Variants in TMEM230 observed in about 807,000 individuals in gnomAD.
TMEM230 encodes the protein UPF0414 transmembrane protein C20orf30.
TMEM230 carries 10 observed loss-of-function variants against 15.8 expected under a neutral mutation model. The ratio of observed to expected loss-of-function variants is 0.63; its 90% CI spans 0.39 to 1.07. The LOEUF (loss-of-function observed/expected upper bound fraction) is 1.07. TMEM230 is among the 50% of genes least tolerant of loss of function. The pLI, the probability that TMEM230 is intolerant of heterozygous loss-of-function variation, is 0.01. For synonymous variants in TMEM230, 67 were observed against 76.9 expected (o/e 0.87, Z 0.68); for missense variants, 165 against 193.3 (o/e 0.85, Z 0.87).
chr20:5,108,505 G>C (rs1281756203), intron 3 of TMEM230, among the ~76,000 whole-genome samples: 2 of 151,804 alleles, frequency 1.3e-5, no homozygotes, highest in Non-Finnish European at 2.9e-5. Flanking sequence ...AAGTAAACCT[G>C]CCTTATGAAC....
chr20:5,071,942 G>C (rs2088842434), intron 3 of TMEM230, among the ~76,000 whole-genome samples: 1 of 152,090 alleles, frequency 6.6e-6, no homozygotes, highest in South Asian at 2.1e-4. Flanking sequence ...GTAGAGATGG[G>C]GTTTCACCAT....
chr20:5,078,752 A>G (rs148540438), intron 3 of TMEM230, among the ~76,000 whole-genome samples: 14 of 152,350 alleles, frequency 9.2e-5, no homozygotes, highest in Admixed American at 7.8e-4. Context: ...GAGGAAGTTC[A>G]ATCCAAACAT....
chr20:5,073,596 C>G (rs919568384), intron 3 of TMEM230, among the ~76,000 whole-genome samples: 1 of 152,190 alleles, frequency 6.6e-6, no homozygotes, highest in Non-Finnish European at 1.5e-5. Context: ...CCAGCTCAGA[C>G]GCCAGAGATA....
At chr20:5,086,617 GAATAC>G (rs1244163183) in intron 3 of TMEM230, among the ~76,000 whole-genome samples, 15 of 149,766 alleles carry the variant, frequency 1.0e-4, no homozygotes, top group Non-Finnish European at 1.5e-5. Context: ...TTTTCTGGAA[GAATAC>G]AATGACAGAT....
chr20:5,100,050 A>C lies in TMEM230; in HGVS notation c.*741T>G. 1 of 985,402 alleles carries C rather than the reference A, an allele frequency of 1.0e-6. No individual in the cohort carries two copies. Among genetic ancestry groups the C allele is most frequent in the Non-Finnish European group, 1.2e-6 (1 of 829,922 alleles). 61.0% of individuals were successfully genotyped at this position (985,402 alleles called of 1,614,324 possible). A position where few individuals can be genotyped will look rare whatever the true frequency, so the allele number is the denominator to read the frequency against. On this transcript the variant is annotated 3_prime_UTR_variant, in exon 5 of 5. Transcript: ENST00000342308. Reference sequence around the variant, plus strand: ...GCTAGCAATACGGCTATAAACTCTAAATAATAACCACTACATGTTTCATTA... The same window carrying C: ...GCTAGCAATACGGCTATAAACTCTACATAATAACCACTACATGTTTCATTA...
chr20:5,091,323 G>C (rs2089500022), intron 3 of TMEM230, among the ~76,000 whole-genome samples: 1 of 152,136 alleles, frequency 6.6e-6, no homozygotes, highest in South Asian at 2.1e-4. Flanking sequence ...TGATTCTCCT[G>C]CCTTGGCCTT....
intron 4 of TMEM230, 148 bp downstream of exon 3, chr20:5,106,040 G>GA (rs769157955): frequency 1.6e-6 from 2 of 1,248,714 alleles, no homozygotes; most frequent in Non-Finnish European, 2.1e-6. Flanking sequence ...GACAGAGCAA[G>GA]ACCCTGTCTC....
intron 3 of TMEM230, 70 bp downstream of exon 2, chr20:5,109,262 C>G (rs1242810270): frequency 2.4e-6 from 3 of 1,263,700 alleles, no homozygotes; most frequent in African/African-American, 3.0e-5. Flanking sequence ...AAATCTCCAT[C>G]TGGAAGGTCT....
intron 3 of TMEM230, among the ~76,000 whole-genome samples, chr20:5,108,385 C>T (rs2090178044): frequency 6.8e-6 from 1 of 147,544 alleles, no homozygotes; most frequent in African/African-American, 2.5e-5. Context: ...TGCCACTGCA[C>T]TCCAGCCTGG....
In TMEM230 at chr20:5,100,965, G is replaced by A. The variant is rs1211601709; in HGVS notation, c.412-34C>T. 1.2e-5 allele frequency: 19 copies of A among 1,610,144 alleles called. No individual in the cohort carries two copies. The Admixed American group carries it at 2.5e-4, about 21-fold the overall frequency. On this transcript the variant is annotated intron_variant, in intron 4 of 4. Transcript: ENST00000342308. ...AGAAGGAGGCAAACACATTAGTACC[G>A]TAAGAGTTACACATTTTAAAATAAA...
At chr20:5,088,812 C>G (rs1199787736) in intron 3 of TMEM230, among the ~76,000 whole-genome samples, 1 of 152,172 alleles carries the variant, frequency 6.6e-6, no homozygotes, top group Non-Finnish European at 1.5e-5. Flanking sequence ...CCATGCCCAA[C>G]CCAGAACCAG....
downstream of TMEM230, chr20:5,067,300 G>A (rs2088672763): frequency 2.0e-5 from 3 of 151,434 alleles, no homozygotes; most frequent in African/African-American, 7.3e-5. Context: ...GCAAGTCTCA[G>A]TGGTGCTGGA....
rs1600376227 is a variant in TMEM230 at position 5,100,546 on chromosome 20, T to C, written c.*245A>G. On this transcript the variant is annotated 3_prime_UTR_variant, in exon 5 of 5. Transcript: ENST00000342308. ...CTTTTCCATTACAGAATAACCTCTATTCTTCCATGATACATATTCCTGTGG... is the reference window on the plus strand; with the variant it reads ...CTTTTCCATTACAGAATAACCTCTACTCTTCCATGATACATATTCCTGTGG... 2.4e-6 allele frequency: 3 copies of C among 1,268,584 alleles called. No homozygotes were observed. In the South Asian group the frequency reaches 6.1e-5, roughly 26 times the overall value. 78.6% of individuals were successfully genotyped at this position (1,268,584 alleles called of 1,614,324 possible).
chr20:5,086,744 G>A lies in TMEM230; in HGVS notation c.223-17395C>T, dbSNP rs2089348887. Among the ~76,000 whole-genome samples the A allele has an allele frequency of 2.7e-5, 4 of 150,368 alleles. No homozygotes were observed. In the South Asian group the frequency reaches 6.3e-4, roughly 24 times the overall value. On this transcript the variant is annotated intron_variant, in intron 3 of 3. Coordinates refer to the TMEM230 transcript ENST00000612323. ...AGGTAGGGTCTTGCTCTGTTGCTCA[G>A]AGTGGAGTACAGTGGCACAATCACA...
chr20:5,067,954 G>A (rs1433989696), downstream of TMEM230: 3 of 151,948 alleles, frequency 2.0e-5, no homozygotes, highest in African/African-American at 7.3e-5. Flanking sequence ...AGAGACAAGA[G>A]ATGGAGTCTC....
At chr20:5,076,121 A>G (rs1164703419) in intron 3 of TMEM230, among the ~76,000 whole-genome samples, 2 of 151,622 alleles carry the variant, frequency 1.3e-5, no homozygotes, top group Admixed American at 1.3e-4. Context: ...AAAAAAAAAA[A>G]TTGCAGCAAT....
At chr20:5,072,438 C>A (rs1379934516) in intron 3 of TMEM230, among the ~76,000 whole-genome samples, 1 of 152,120 alleles carries the variant, frequency 6.6e-6, no homozygotes, top group Admixed American at 6.6e-5. Context: ...AGGATAGCCA[C>A]CCATGTTGGC....
At chr20:5,071,790 G>C (rs1181361913) in intron 3 of TMEM230, among the ~76,000 whole-genome samples, 1 of 152,112 alleles carries the variant, frequency 6.6e-6, no homozygotes, top group African/African-American at 2.4e-5. Context: ...ACCCAGGCTG[G>C]AGTGTAGTGG....
At chr20:5,093,835 G>A (rs2089584585) in intron 3 of TMEM230, among the ~76,000 whole-genome samples, 1 of 152,160 alleles carries the variant, frequency 6.6e-6, no homozygotes, top group South Asian at 2.1e-4. Flanking sequence ...ACTGCACCCA[G>A]CCTAAAAGGT....
Sources: allele counts gnomAD v4.1 joint callset (sites outside exome capture counted in the v4.1 genomes callset), GRCh38; gene constraint gnomAD v4.1.1; transcripts MANE v1.5; gene names NCBI Gene and HGNC (gene_info 2026-07-23, HGNC 2026-07-21).